Variants in DACH1 observed in about 807,000 individuals in gnomAD.
The protein encoded by DACH1 is dachshund homolog 1.
A neutral mutation model predicts 54.2 loss-of-function variants in DACH1; 12 were observed. The observed-to-expected ratio is 0.22, with a 90% CI of 0.14 to 0.36. The LOEUF (loss-of-function observed/expected upper bound fraction) is 0.36, where lower values mean the gene tolerates loss of function less well. Ranked by LOEUF, DACH1 falls within the 10% of genes least tolerant of loss-of-function variation. The pLI, the probability that DACH1 is intolerant of heterozygous loss-of-function variation, is 1.00. For synonymous variants in DACH1, 386 were observed against 366.2 expected, an observed-to-expected ratio of 1.05 and a Z score of -0.62; for missense variants, 805 against 929.8, an observed-to-expected ratio of 0.87 and a Z score of 1.75.
At chr13:71,753,599 A>T (rs1264889748) in intron 1 of DACH1, among the ~76,000 whole-genome samples, 2 of 152,202 alleles carry the variant, frequency 1.3e-5, no homozygotes, top group African/African-American at 2.4e-5. Flanking sequence ...TGCCTTGCTG[A>T]CACTGTTCCA....
chr13:71,675,127 G>C, intron 2 of DACH1: 1 of 1,580,936 alleles, frequency 6.3e-7, no homozygotes, highest in South Asian at 1.1e-5. Context: ...GAAGTAACTG[G>C]CTACAAAAGC....
intron 3 of DACH1, among the ~76,000 whole-genome samples, chr13:71,585,882 T>G (rs562457457): frequency 1.3e-5 from 2 of 152,108 alleles, no homozygotes; most frequent in Non-Finnish European, 2.9e-5. Flanking sequence ...TCATATTTCA[T>G]GCCACTGGAA....
intron 4 of DACH1, among the ~76,000 whole-genome samples, chr13:71,561,852 T>A (rs1471958271): frequency 6.6e-6 from 1 of 152,046 alleles, no homozygotes; most frequent in African/African-American, 2.4e-5. Context: ...TGCTGAGACT[T>A]CATTTTGAAG....
At chr13:71,775,013 A>G (rs548291443) in intron 1 of DACH1, among the ~76,000 whole-genome samples, 7 of 148,720 alleles carry the variant, frequency 4.7e-5, no homozygotes, top group Non-Finnish European at 1.0e-4. Context: ...AGCAGGGCAT[A>G]GTGGTTCATG....
At chr13:71,672,168 A>C (rs559884089) in intron 2 of DACH1, among the ~76,000 whole-genome samples, 10 of 152,242 alleles carry the variant, frequency 6.6e-5, no homozygotes, top group Non-Finnish European at 2.9e-5. Flanking sequence ...ATTTCTATCT[A>C]TTAAGCTTAG....
chr13:71,673,768 A>C (rs1254634400), intron 2 of DACH1, among the ~76,000 whole-genome samples: 4 of 152,204 alleles, frequency 2.6e-5, no homozygotes, highest in Non-Finnish European at 5.9e-5. Context: ...ATAATAAAAA[A>C]AGAGTAATAT....
intron 8 of DACH1, among the ~76,000 whole-genome samples, chr13:71,478,494 A>T (rs890740901): frequency 1.3e-5 from 2 of 152,220 alleles, no homozygotes; most frequent in Non-Finnish European, 2.9e-5. Flanking sequence ...AGACAAAATA[A>T]TCTTCAAATT....
In DACH1 at chr13:71,817,528, G is replaced by C. The variant is rs570036821; in HGVS notation, c.848+48394C>G. Among the ~76,000 whole-genome samples, 6 of 152,264 alleles carry C rather than the reference G, an allele frequency of 3.9e-5. No individual in the cohort carries two copies. The South Asian group carries it at 1.2e-3, about 32-fold the overall frequency. On this transcript the variant is annotated intron_variant, in intron 1 of 10. Coordinates refer to ENST00000613252, the MANE Select transcript of DACH1 (RefSeq NM_080759.6). ...AACTAGGCCTGCACTCAACAATGTC[G>C]CAACAGCTAGTCACATGTAGCTAGT...
In DACH1 at chr13:71,481,634, A is replaced by G. The variant is rs1878036104; in HGVS notation, c.1723-2318T>C. On this transcript the variant is annotated intron_variant, in intron 7 of 10. Transcript: ENST00000613252. ...AAATGTAATTTTTAGACTTTGTATC[A>G]GTGCATATCAGTAGGAGTCCAGTGT... 2.0e-5 allele frequency among the ~76,000 whole-genome samples: 3 copies of G among 152,224 alleles called. No individual in the cohort carries two copies. In the South Asian group the frequency reaches 6.2e-4, roughly 31 times the overall value.
At chr13:71,837,005 CACACACACACAT>C (rs1472305727) in intron 1 of DACH1, among the ~76,000 whole-genome samples, 1 of 152,054 alleles carries the variant, frequency 6.6e-6, no homozygotes, top group South Asian at 2.1e-4. Context: ...ACTTTATACA[CACACACACACAT>C]ACACACACAC....
intron 1 of DACH1, among the ~76,000 whole-genome samples, chr13:71,687,100 G>T (rs1881202411): frequency 1.3e-5 from 2 of 152,080 alleles, no homozygotes; most frequent in African/African-American, 2.4e-5. Flanking sequence ...GAGTTCATTG[G>T]CCCTCTCCGA....
chr13:71,752,226 C>T (rs1401458767), intron 1 of DACH1, among the ~76,000 whole-genome samples: 1 of 152,118 alleles, frequency 6.6e-6, no homozygotes, highest in Non-Finnish European at 1.5e-5. Context: ...ACAGTGCATG[C>T]TGTGAATGTG....
rs1877402116 is a variant in DACH1, at chr13:71,475,149, G to C, written c.2075C>G (p.Thr692Arg). 2 of 1,613,644 alleles carry C rather than the reference G, an allele frequency of 1.2e-6. No individual in the cohort carries two copies. Among genetic ancestry groups the C allele is most frequent in the Non-Finnish European group, 8.5e-7 (1 of 1,179,782 alleles). Residue 692 changes from threonine (T) to arginine (R), a missense_variant, in exon 10 of 11, where the codon ACA becomes AGA. Transcript: ENST00000613252. ...RSGGRTDAER[T>R]IQDGRLYLKT... is the part of the protein sequence containing the mutation. ...CTTCTGCAAATTCCTACCTTGTATT[G>C]TCCTTTCAGCATCTGTTCTGCCGCC... is the stretch of plus-strand genomic sequence containing the variant.
chr13:71,842,540 T>G (rs1283416868), intron 1 of DACH1, among the ~76,000 whole-genome samples: 1 of 152,126 alleles, frequency 6.6e-6, no homozygotes, highest in Non-Finnish European at 1.5e-5. Context: ...ATCAGACCAC[T>G]GCACTTCAGT....
chr13:71,790,194 T>C (rs920294179), intron 1 of DACH1, among the ~76,000 whole-genome samples: 77 of 152,142 alleles, frequency 5.1e-4, no homozygotes, highest in Middle Eastern at 3.4e-3. Context: ...AAGGGACAAA[T>C]AGGATTTGAA....
At chr13:71,745,605 A>G (rs943198284) in intron 1 of DACH1, among the ~76,000 whole-genome samples, 6 of 152,230 alleles carry the variant, frequency 3.9e-5, no homozygotes, top group East Asian at 1.9e-4. Flanking sequence ...AAATAATTCA[A>G]TGTGAATCTT....
intron 1 of DACH1, among the ~76,000 whole-genome samples, chr13:71,761,980 A>G (rs1176670099): frequency 6.6e-6 from 1 of 152,150 alleles, no homozygotes. Context: ...TACTAGCAAT[A>G]CTGATAATAA....
At chr13:71,755,119 G>C (rs182786791) in intron 1 of DACH1, among the ~76,000 whole-genome samples, 6 of 152,208 alleles carry the variant, frequency 3.9e-5, no homozygotes, top group Admixed American at 3.9e-4. Context: ...GGCTAATACT[G>C]AATAGCAGTG....
intron 10 of DACH1, among the ~76,000 whole-genome samples, chr13:71,441,491 A>G (rs1874002019): frequency 6.6e-6 from 1 of 152,088 alleles, no homozygotes; most frequent in Non-Finnish European, 1.5e-5. Flanking sequence ...GGTATGGCCT[A>G]AACTTTGTAT....
Sources: gnomAD v4.1 joint callset for allele counts (sites outside exome capture counted in the v4.1 genomes callset) on GRCh38, gnomAD v4.1.1 for gene constraint, MANE v1.5 for transcripts, NCBI Gene and HGNC (gene_info 2026-07-23, HGNC 2026-07-21) for gene names.